The following VWC2L variants were observed in gnomAD, a reference collection of about 807,000 sequenced individuals.
The protein encoded by VWC2L is von Willebrand factor C domain containing 2 like, also known as von Willebrand factor C domain-containing protein 2-like.
Under a neutral mutation model 21.6 loss-of-function variants are expected in VWC2L, and 10 were observed. That is an observed-to-expected ratio of 0.46 (90% CI 0.29 to 0.78). The LOEUF (loss-of-function observed/expected upper bound fraction) is 0.78, where lower values mean the gene tolerates loss of function less well. Ranked by LOEUF, VWC2L falls within the 30% of genes least tolerant of loss-of-function variation. The probability of loss-of-function intolerance (pLI) is 0.10; values close to 1 mark genes in which losing one functional copy is unlikely to be tolerated. For missense variants in VWC2L, 209 were observed against 277.1 expected, an observed-to-expected ratio of 0.75 and a Z score of 1.74; for synonymous variants, 96 against 94.3, an observed-to-expected ratio of 1.02 and a Z score of -0.10.
At chr2:214,464,845 G>A (rs1351792527) in intron 3 of VWC2L, among the ~76,000 whole-genome samples, 1 of 152,008 alleles carries the variant, frequency 6.6e-6, no homozygotes, top group East Asian at 1.9e-4. Context: ...TGGCACCCAA[G>A]CCACATGACA....
chr2:214,574,263 G>A (rs889357311), intron 3 of VWC2L, among the ~76,000 whole-genome samples: 6 of 152,140 alleles, frequency 3.9e-5, no homozygotes, highest in East Asian at 3.9e-4. Context: ...GGCTCTTCAC[G>A]CTTGAGCACA....
chr2:214,560,681 A>G (rs1046556301), intron 3 of VWC2L, among the ~76,000 whole-genome samples: 3 of 152,170 alleles, frequency 2.0e-5, no homozygotes, highest in Admixed American at 2.0e-4. Context: ...AGATAAATAT[A>G]TACTATTTTC....
intron 3 of VWC2L, among the ~76,000 whole-genome samples, chr2:214,486,452 C>A (rs1490068590): frequency 6.6e-6 from 1 of 152,176 alleles, no homozygotes; most frequent in Non-Finnish European, 1.5e-5. Flanking sequence ...CACCTTAATT[C>A]TTCATATGCC....
At chr2:214,544,010 A>G (rs1353994991) in intron 3 of VWC2L, among the ~76,000 whole-genome samples, 1 of 152,226 alleles carries the variant, frequency 6.6e-6, no homozygotes, top group Non-Finnish European at 1.5e-5. Flanking sequence ...GTACTTGGCT[A>G]TTCTGCAACC....
At chr2:214,444,220 C>T (rs988975589) in intron 3 of VWC2L, among the ~76,000 whole-genome samples, 15 of 151,960 alleles carry the variant, frequency 9.9e-5, no homozygotes, top group African/African-American at 3.4e-4. Flanking sequence ...TGCTGGGAAA[C>T]TGGATAGTTA....
At chr2:214,561,149 C>T (rs1241597182) in intron 3 of VWC2L, among the ~76,000 whole-genome samples, 1 of 152,206 alleles carries the variant, frequency 6.6e-6, no homozygotes, top group African/African-American at 2.4e-5. Context: ...TGCTGGGCCC[C>T]ATACCCAGTG....
At position 214,563,546 on chromosome 2, in the gene VWC2L, C is replaced by CAAAAAAAAAAAAAAAAAAAAAAAAAAAA. The variant is rs55864016; in HGVS notation, c.521-12118_521-12091dup. ...TGGGTGACACAGCAAGACTCCGTCTCAAAAAAAAAAAAAAAAAAAAAAAAA... is the reference window on the plus strand; with the variant it reads ...TGGGTGACACAGCAAGACTCCGTCTCAAAAAAAAAAAAAAAAAAAAAAAAAAAAAAAAAAAAAAAAAAAAAAAAAAAAA... On this transcript the variant is annotated intron_variant, in intron 3 of 3. Transcript: ENST00000312504. Among the ~76,000 whole-genome samples, 8 of 95,866 alleles carry CAAAAAAAAAAAAAAAAAAAAAAAAAAAA rather than the reference C, an allele frequency of 8.3e-5. 1 individual carries two copies. Among genetic ancestry groups the CAAAAAAAAAAAAAAAAAAAAAAAAAAAA allele is most frequent in the South Asian group, 3.4e-4 (1 of 2,952 alleles). 62.9% of individuals were successfully genotyped at this position (95,866 alleles called of 152,430 possible).
Position 214,415,992 on chromosome 2 carries a change from A to G in VWC2L, c.390+1409A>G, listed in dbSNP as rs1276327404. Among the ~76,000 whole-genome samples, 4 of 152,178 alleles carry G rather than the reference A, an allele frequency of 2.6e-5. No homozygotes were observed. The East Asian group carries it at 7.7e-4, about 29-fold the overall frequency. ...AAAATATTGTATATATTTTGACATT[A>G]CCTATTTTTAATGTCATCTTAATGG... On this transcript the variant is annotated intron_variant, in intron 2 of 3. Transcript: ENST00000312504.
At chr2:214,495,245 T>C (rs1432034330) in intron 3 of VWC2L, among the ~76,000 whole-genome samples, 1 of 152,226 alleles carries the variant, frequency 6.6e-6, no homozygotes, top group African/African-American at 2.4e-5. Flanking sequence ...CTACTCCCCA[T>C]CCTTTGCTGA....
At chr2:214,496,535 TTCCTAA>T (rs1688816005) in intron 3 of VWC2L, among the ~76,000 whole-genome samples, 1 of 152,158 alleles carries the variant, frequency 6.6e-6, no homozygotes, top group Non-Finnish European at 1.5e-5. Context: ...TAATTTGCTA[TTCCTAA>T]GAATACGTTC....
At chr2:214,439,250 A>G (rs1457980547) in intron 3 of VWC2L, among the ~76,000 whole-genome samples, 3 of 152,036 alleles carry the variant, frequency 2.0e-5, no homozygotes. Context: ...CAGATGAATG[A>G]TATATAGAAG....
chr2:214,420,922 A>G (rs1336778185), intron 2 of VWC2L, among the ~76,000 whole-genome samples: 2 of 152,216 alleles, frequency 1.3e-5, no homozygotes, highest in African/African-American at 2.4e-5. Context: ...TCAAGTTGCT[A>G]CAAAATAACA....
intron 3 of VWC2L, among the ~76,000 whole-genome samples, chr2:214,454,994 T>A (rs750765665): frequency 2.6e-5 from 4 of 152,274 alleles, no homozygotes; most frequent in East Asian, 3.9e-4. Flanking sequence ...AAAAATTTTT[T>A]AAAAATTGGT....
intron 3 of VWC2L, among the ~76,000 whole-genome samples, chr2:214,530,717 G>A (rs2105915796): frequency 6.6e-6 from 1 of 152,224 alleles, no homozygotes; most frequent in South Asian, 2.1e-4. Context: ...ATAAATTGGT[G>A]TCACAGGGAC....
chr2:214,478,707 G>A (rs1052161273), intron 3 of VWC2L, among the ~76,000 whole-genome samples: 8 of 152,136 alleles, frequency 5.3e-5, no homozygotes, highest in East Asian at 1.9e-4. Context: ...TCCCTCTGTC[G>A]CATAGCCCAC....
chr2:214,437,021 A>G (rs1488302307), intron 3 of VWC2L, among the ~76,000 whole-genome samples: 1 of 152,064 alleles, frequency 6.6e-6, no homozygotes, highest in African/African-American at 2.4e-5. Context: ...ATTTAAAAGG[A>G]GTATATTGGA....
intron 3 of VWC2L, among the ~76,000 whole-genome samples, chr2:214,568,097 T>G (rs939912216): frequency 2.6e-5 from 4 of 152,220 alleles, no homozygotes; most frequent in Admixed American, 2.0e-4. Flanking sequence ...ATTGTTTAGT[T>G]CTCTGCCCTT....
intron 3 of VWC2L, among the ~76,000 whole-genome samples, chr2:214,493,649 G>A (rs1688774391): frequency 6.6e-6 from 1 of 152,118 alleles, no homozygotes; most frequent in Non-Finnish European, 1.5e-5. Context: ...TTTCCAAGGA[G>A]GATTCTGACT....
rs535118804 is a variant in VWC2L at position 214,482,304 on chromosome 2, T to C, written c.520+45546T>C. Among the ~76,000 whole-genome samples, 35 of 152,226 alleles carry C rather than the reference T, an allele frequency of 2.3e-4. No individual in the cohort carries two copies. The South Asian group carries it at 6.4e-3, about 28-fold the overall frequency. ...AATTCTAATGTGGATAAAGAAAATG[T>C]AAAGCAACAAGCTTCCTCCTAAAAC... On this transcript the variant is annotated intron_variant, in intron 3 of 3. Coordinates refer to ENST00000312504, the MANE Select transcript of VWC2L (RefSeq NM_001080500.4).
Sources: gnomAD v4.1 joint callset for allele counts (sites outside exome capture counted in the v4.1 genomes callset) on GRCh38, gnomAD v4.1.1 for gene constraint, MANE v1.5 for transcripts, NCBI Gene and HGNC (gene_info 2026-07-23, HGNC 2026-07-21) for gene names.